The following CSMD3 variants were observed in gnomAD, a reference collection of about 807,000 sequenced individuals.
CSMD3 encodes the protein CUB and sushi domain-containing protein 3.
A neutral mutation model predicts 435.2 loss-of-function variants in CSMD3; 177 were observed. The observed-to-expected ratio is 0.41, with a 90% CI of 0.36 to 0.46. The LOEUF is 0.46. Among genes scored for constraint, CSMD3 ranks in the 20% least tolerant of loss-of-function variants. The pLI is 0.34. For missense variants in CSMD3, 4,265 were observed against 4,504.6 expected, an observed-to-expected ratio of 0.95 and a Z score of 1.52; for synonymous variants, 1,656 against 1,520.5, an observed-to-expected ratio of 1.09 and a Z score of -2.07.
At chr8:112,877,055 T>C (rs1283497469) in intron 10 of CSMD3, among the ~76,000 whole-genome samples, 1 of 152,092 alleles carries the variant, frequency 6.6e-6, no homozygotes, top group Admixed American at 6.6e-5. Flanking sequence ...TTACAAGGGA[T>C]GTGAAGGATC....
intron 10 of CSMD3, among the ~76,000 whole-genome samples, chr8:112,892,526 A>G (rs2081826899): frequency 1.3e-5 from 2 of 151,736 alleles, no homozygotes; most frequent in South Asian, 4.1e-4. Context: ...AAGGAAGAAT[A>G]CAGGTAGTTT....
At chr8:112,751,592 C>T (rs147263343) in intron 13 of CSMD3, among the ~76,000 whole-genome samples, 17 of 149,844 alleles carry the variant, frequency 1.1e-4, no homozygotes, top group African/African-American at 3.7e-4. Context: ...AATACCTATT[C>T]CAATCACTAT....
chr8:112,836,351 T>G (rs1334501904), intron 11 of CSMD3, among the ~76,000 whole-genome samples: 1 of 151,820 alleles, frequency 6.6e-6, no homozygotes, highest in East Asian at 1.9e-4. Context: ...CCTTTTCTTC[T>G]CAACAGGACA....
chr8:112,922,446 ATAG>A (rs1368045094), intron 9 of CSMD3, among the ~76,000 whole-genome samples: 1 of 151,984 alleles, frequency 6.6e-6, no homozygotes, highest in Non-Finnish European at 1.5e-5. Context: ...ATGCTATCAA[ATAG>A]TAGGTCTTTT....
At chr8:112,929,989 T>C (rs1447872099) in intron 9 of CSMD3, among the ~76,000 whole-genome samples, 1 of 152,108 alleles carries the variant, frequency 6.6e-6, no homozygotes, top group Non-Finnish European at 1.5e-5. Context: ...AAGAAAGTGG[T>C]TAAGATTATA....
At chr8:113,226,423 C>T (rs72687667) in intron 3 of CSMD3, among the ~76,000 whole-genome samples, 9,977 of 151,582 alleles carry the variant, frequency 0.066, 438 homozygotes, top group Non-Finnish European at 0.094. Flanking sequence ...TACTGCAATC[C>T]TATCCTTGCA....
chr8:112,548,994 T>A lies in CSMD3; in HGVS notation c.4564+1677A>T, dbSNP rs1050668642. Among the ~76,000 whole-genome samples the A allele has an allele frequency of 3.3e-5, 5 of 152,072 alleles. No homozygotes were observed. In the East Asian group the frequency reaches 5.8e-4, roughly 18 times the overall value. ...TTCACAGATTATCTACAATAAAAAT[T>A]CCCAGAAATGCATCTAAAATAGTGT... On this transcript the variant is annotated intron_variant, in intron 27 of 70. Coordinates refer to ENST00000297405, the MANE Select transcript of CSMD3 (RefSeq NM_198123.2).
At chr8:113,056,288 C>CTGT (rs1415348618) in intron 5 of CSMD3, among the ~76,000 whole-genome samples, 10 of 152,276 alleles carry the variant, frequency 6.6e-5, no homozygotes, top group Non-Finnish European at 1.2e-4. Context: ...CATCCTGCAA[C>CTGT]TACTGAATGC....
chr8:112,822,894 A>G (rs1048860512), intron 12 of CSMD3, among the ~76,000 whole-genome samples: 1 of 152,142 alleles, frequency 6.6e-6, no homozygotes, highest in Non-Finnish European at 1.5e-5. Context: ...TAAGATAATC[A>G]TGTGGTTTTT....
At chr8:112,800,303 G>C in intron 12 of CSMD3, 29 bp from the exon 13 acceptor site, 3 of 1,355,112 alleles carry the variant, frequency 2.2e-6, no homozygotes, top group South Asian at 2.3e-5. Flanking sequence ...AGAAGGGAGA[G>C]ATGGGTTATT....
chr8:112,352,599 T>A, intron 38 of CSMD3, 65 bp from the exon 39 acceptor site: 4 of 1,393,412 alleles, frequency 2.9e-6, no homozygotes, highest in Non-Finnish European at 4.1e-6. Flanking sequence ...GTTATGCATA[T>A]TAAGTTGCTA....
intron 9 of CSMD3, among the ~76,000 whole-genome samples, chr8:112,926,570 A>T (rs1006609665): frequency 8.5e-5 from 13 of 152,172 alleles, no homozygotes; most frequent in African/African-American, 3.1e-4. Context: ...AAGTGCTGTC[A>T]TCTTTTTAAA....
chr8:112,836,974 CAAAGT>C (rs1016165551), intron 11 of CSMD3, among the ~76,000 whole-genome samples: 85 of 151,860 alleles, frequency 5.6e-4, no homozygotes, highest in African/African-American at 2.0e-3. Flanking sequence ...TCTACGTTAA[CAAAGT>C]AAACTTCTGA....
intron 32 of CSMD3, among the ~76,000 whole-genome samples, chr8:112,466,153 A>G (rs575753053): frequency 6.6e-6 from 1 of 152,318 alleles, no homozygotes; most frequent in African/African-American, 2.4e-5. Context: ...ACTGTTAAAA[A>G]GTGAAGTGTC....
At chr8:112,497,351 A>G (rs566125561) in intron 30 of CSMD3, among the ~76,000 whole-genome samples, 37 of 151,986 alleles carry the variant, frequency 2.4e-4, no homozygotes, top group Non-Finnish European at 4.7e-4. Context: ...AAAGTAACTA[A>G]AAGCGTATAA....
chr8:112,805,276 C>T (rs903453373), intron 12 of CSMD3, among the ~76,000 whole-genome samples: 1 of 151,978 alleles, frequency 6.6e-6, no homozygotes, highest in Non-Finnish European at 1.5e-5. Context: ...AGGGGTATTC[C>T]GAAAAGCAGC....
chr8:113,351,094 T>A (rs974703690), intron 1 of CSMD3, among the ~76,000 whole-genome samples: 9 of 152,182 alleles, frequency 5.9e-5, no homozygotes, highest in African/African-American at 2.2e-4. Flanking sequence ...ACTCCATTAG[T>A]GTGCTTCCTA....
intron 32 of CSMD3, among the ~76,000 whole-genome samples, chr8:112,459,405 A>G (rs1255950130): frequency 6.6e-6 from 1 of 151,638 alleles, no homozygotes; most frequent in Non-Finnish European, 1.5e-5. Context: ...AATTCTCAAA[A>G]TATTTAATCA....
intron 23 of CSMD3, among the ~76,000 whole-genome samples, chr8:112,578,292 G>C (rs956713801): frequency 6.6e-6 from 1 of 151,902 alleles, no homozygotes; most frequent in African/African-American, 2.4e-5. Flanking sequence ...TGAAGGAGAA[G>C]GGGCACAACG....
Sources: gnomAD v4.1 joint callset for allele counts (sites outside exome capture counted in the v4.1 genomes callset) on GRCh38, gnomAD v4.1.1 for gene constraint, MANE v1.5 for transcripts, NCBI Gene and HGNC (gene_info 2026-07-23, HGNC 2026-07-21) for gene names.